BOLL: variants seen among roughly 807,000 people sequenced by gnomAD.
BOLL encodes boule RNA binding protein, also known as protein boule-like.
In BOLL, 23 loss-of-function variants were observed where a neutral mutation model predicts 44.4. The ratio of observed to expected loss-of-function variants is 0.52; its 90% confidence interval spans 0.37 to 0.73. The LOEUF is 0.73. BOLL is among the 30% of genes least tolerant of loss of function. BOLL has a pLI of 0.00. For missense variants in BOLL, 287 were observed against 338.3 expected, an observed-to-expected ratio of 0.85 and a Z score of 1.19; for synonymous variants, 97 against 110.8, an observed-to-expected ratio of 0.88 and a Z score of 0.78.
At chr2:197,766,461 G>A (rs1689002254) in intron 7 of BOLL, 71 bp downstream of exon 7, 1 of 1,269,918 alleles carries the variant, frequency 7.9e-7, no homozygotes, top group African/African-American at 1.5e-5. Flanking sequence ...GCATGAGAAA[G>A]AAATAAATGA....
chr2:197,748,233 C>T (rs1379517022), intron 9 of BOLL, among the ~76,000 whole-genome samples: 2 of 152,216 alleles, frequency 1.3e-5, no homozygotes, highest in Admixed American at 6.5e-5. Flanking sequence ...GGCTTTTGCA[C>T]CTGCAGACCA....
intron 10 of BOLL, among the ~76,000 whole-genome samples, chr2:197,731,171 T>C (rs1081376): frequency 0.72 from 109,623 of 151,676 alleles, 40,761 homozygotes; most frequent in African/African-American, 0.9. Flanking sequence ...ATCCTGGTCT[T>C]GGATAAAACA....
chr2:197,738,162 T>A (rs943436018), intron 10 of BOLL, among the ~76,000 whole-genome samples: 2 of 152,168 alleles, frequency 1.3e-5, no homozygotes, highest in African/African-American at 4.8e-5. Context: ...AGATTTTCCT[T>A]TTGTTCCTTC....
In BOLL at chr2:197,784,391, C is replaced by CATACATATATATATAT. The variant is rs1305139578; in HGVS notation, c.-16+664_-16+665insATATATATATATGTAT. Reference sequence around the variant, plus strand: ...AATACAGTATAACAGCAGTCTAATACATATATATATATATATATATATATA... The same window carrying CATACATATATATATAT: ...AATACAGTATAACAGCAGTCTAATACATACATATATATATATATATATATATATATATATATATATA... On this transcript the variant is annotated intron_variant, in intron 1 of 10. Coordinates refer to ENST00000392296, the MANE Select transcript of BOLL (RefSeq NM_033030.6). Among the ~76,000 whole-genome samples, 4 of 55,000 alleles carry CATACATATATATATAT rather than the reference C, an allele frequency of 7.3e-5. 1 individual carries two copies. The highest frequency in any genetic ancestry group is 3.4e-4 in the African/African-American group (4 of 11,734). 36.1% of individuals were successfully genotyped at this position (55,000 alleles called of 152,430 possible). A position where few individuals can be genotyped will look rare whatever the true frequency, so the allele number is the denominator to read the frequency against.
At chr2:197,742,314 G>A in intron 10 of BOLL, among the ~76,000 whole-genome samples, 1 of 152,264 alleles carries the variant, frequency 6.6e-6, no homozygotes, top group African/African-American at 2.4e-5. Flanking sequence ...CCATTACTGG[G>A]TATATACCCA....
chr2:197,755,029 A>G (rs1235417352), intron 9 of BOLL, among the ~76,000 whole-genome samples: 1 of 152,240 alleles, frequency 6.6e-6, no homozygotes, highest in Non-Finnish European at 1.5e-5. Flanking sequence ...ATAATGTACA[A>G]GGAATTTAAA....
intron 7 of BOLL, among the ~76,000 whole-genome samples, chr2:197,759,168 G>A (rs1011943573): frequency 3.9e-5 from 6 of 152,158 alleles, no homozygotes; most frequent in East Asian, 1.9e-4. Context: ...CTGGAGTGCC[G>A]CAGGGGAGTG....
chr2:197,738,606 T>C (rs1429760479), intron 10 of BOLL, among the ~76,000 whole-genome samples: 2 of 152,234 alleles, frequency 1.3e-5, no homozygotes, highest in African/African-American at 4.8e-5. Context: ...AAGGTTTCTA[T>C]TTTATGGAAT....
intron 7 of BOLL, among the ~76,000 whole-genome samples, 199 bp from the exon 8 acceptor site, chr2:197,757,599 A>G (rs968920438): frequency 2.0e-5 from 3 of 152,170 alleles, no homozygotes; most frequent in African/African-American, 7.2e-5. Flanking sequence ...AGAAAAAAAC[A>G]TAGGTGTAAA....
At chr2:197,746,022 A>G (rs572997772) in intron 9 of BOLL, among the ~76,000 whole-genome samples, 2 of 152,230 alleles carry the variant, frequency 1.3e-5, no homozygotes, top group East Asian at 3.8e-4. Context: ...CTTGTCTACT[A>G]TCTAGCCTTT....
At chr2:197,765,846 A>G (rs1485519650) in intron 7 of BOLL, among the ~76,000 whole-genome samples, 2 of 151,122 alleles carry the variant, frequency 1.3e-5, no homozygotes, top group East Asian at 3.9e-4. Flanking sequence ...CCCTCTTCCC[A>G]CCCTCCACCC....
intron 3 of BOLL, among the ~76,000 whole-genome samples, chr2:197,777,753 G>A (rs1454112131): frequency 6.6e-6 from 1 of 151,534 alleles, no homozygotes; most frequent in African/African-American, 2.4e-5. Context: ...GCCACAATAG[G>A]TAGAGAAAAA....
At position 197,728,050 on chromosome 2, in the gene BOLL, A is replaced by G. The variant is rs1222567384; in HGVS notation, c.*505T>C. ...AGACAAAAGCATATTAAATGACAAA[A>G]CAGCAAAGCAAAAATAGAATTGTCA... On this transcript the variant is annotated 3_prime_UTR_variant, in exon 11 of 11. Transcript: ENST00000392296. 6.5e-6 allele frequency: 1 copy of G among 154,984 alleles called. No homozygotes were observed. Among genetic ancestry groups the G allele is most frequent in the Non-Finnish European group, 1.4e-5 (1 of 69,942 alleles). 9.6% of individuals were successfully genotyped at this position (154,984 alleles called of 1,614,324 possible).
chr2:197,730,730 G>A (rs1446359537), intron 10 of BOLL, among the ~76,000 whole-genome samples: 4 of 151,714 alleles, frequency 2.6e-5, no homozygotes, highest in African/African-American at 9.7e-5. Context: ...ATAAGTGAAG[G>A]AGAAATAAAA....
At chr2:197,778,387 T>C (rs1309612075) in intron 3 of BOLL, among the ~76,000 whole-genome samples, 1 of 151,974 alleles carries the variant, frequency 6.6e-6, no homozygotes, top group Admixed American at 6.6e-5. Flanking sequence ...CTATGTAAAC[T>C]ATCTTTTTCC....
intron 10 of BOLL, among the ~76,000 whole-genome samples, chr2:197,740,625 G>T (rs1434528929): frequency 6.6e-6 from 1 of 152,120 alleles, no homozygotes; most frequent in Non-Finnish European, 1.5e-5. Context: ...AATGTCACAT[G>T]TCATCAACAT....
intron 9 of BOLL, chr2:197,755,906 T>TA (rs1688497299): frequency 6.6e-6 from 1 of 152,016 alleles, no homozygotes; most frequent in Admixed American, 6.6e-5. Context: ...TAATATAAAA[T>TA]AAAAAATATA....
chr2:197,775,369 TA>T (rs1159595697), intron 5 of BOLL, among the ~76,000 whole-genome samples: 1 of 151,964 alleles, frequency 6.6e-6, no homozygotes, highest in Admixed American at 6.6e-5. Flanking sequence ...AAATTACTTC[TA>T]ATTACTTTTG....
At chr2:197,737,507 T>G (rs1367352625) in intron 10 of BOLL, among the ~76,000 whole-genome samples, 1 of 152,092 alleles carries the variant, frequency 6.6e-6, no homozygotes. Context: ...ATTGTTTGAC[T>G]ATATATAGCA....
Sources: gnomAD v4.1 joint callset for allele counts (sites outside exome capture counted in the v4.1 genomes callset) on GRCh38, gnomAD v4.1.1 for gene constraint, MANE v1.5 for transcripts, NCBI Gene and HGNC (gene_info 2026-07-23, HGNC 2026-07-21) for gene names.